The following PDLIM7 variants were observed in gnomAD, a reference collection of about 807,000 sequenced individuals.
PDLIM7 encodes the protein PDZ and LIM domain 7.
PDLIM7 carries 37 observed loss-of-function variants against 53.9 expected under a neutral mutation model. The observed-to-expected ratio is 0.69, with a 90% CI of 0.53 to 0.90. PDLIM7 has a LOEUF of 0.90. PDLIM7 is among the 40% of genes least tolerant of loss of function. PDLIM7 has a pLI of 0.00. For synonymous variants in PDLIM7, 300 were observed against 261.3 expected, an observed-to-expected ratio of 1.15 and a Z score of -1.43; for missense variants, 617 against 638.5, an observed-to-expected ratio of 0.97 and a Z score of 0.36.
intron 2 of PDLIM7, among the ~76,000 whole-genome samples, chr5:177,495,480 G>A (rs1207362083): frequency 6.6e-6 from 1 of 152,216 alleles, no homozygotes; most frequent in Non-Finnish European, 1.5e-5. Flanking sequence ...CCCCAGGCCA[G>A]TCAGAGATGC....
intron 2 of PDLIM7, chr5:177,495,104 C>G (rs538833025): frequency 5.2e-5 from 8 of 152,632 alleles, no homozygotes; most frequent in African/African-American, 1.7e-4. Context: ...CCCAGACACA[C>G]TGGGCCAGCA....
chr5:177,493,831 TG>T (rs397882235), intron 2 of PDLIM7, among the ~76,000 whole-genome samples: 1 of 132,382 alleles, frequency 7.6e-6, no homozygotes, highest in Non-Finnish European at 1.6e-5. Context: ...GGGGGGGATC[TG>T]GGGGGGTCCA....
intron 10 of PDLIM7, among the ~76,000 whole-genome samples, chr5:177,486,786 A>G (rs562501569): frequency 1.7e-4 from 26 of 150,250 alleles, no homozygotes; most frequent in Admixed American, 2.6e-4. Flanking sequence ...CTACTCCACC[A>G]TGCCCGGCCA....
chr5:177,491,294 G>T, intron 5 of PDLIM7, 148 bp from the exon 6 acceptor site: 2 of 1,442,548 alleles, frequency 1.4e-6, no homozygotes, highest in East Asian at 2.4e-5. Flanking sequence ...GCGGGTAGGT[G>T]AGAGGACAGG....
At chr5:177,492,381 CG>C in intron 4 of PDLIM7, 23 bp downstream of exon 4, 1 of 1,611,876 alleles carries the variant, frequency 6.2e-7, no homozygotes, top group Non-Finnish European at 8.5e-7. Context: ...GCCCACCGCC[CG>C]GATGTCCCGG....
At chr5:177,485,072 C>T (rs163203) in intron 10 of PDLIM7, 57,833 of 152,400 alleles carry the variant, frequency 0.38, 11,864 homozygotes, top group Non-Finnish European at 0.48. Context: ...CAGCACTTGT[C>T]GCTCTGCTCT....
intron 7 of PDLIM7, 150 bp from the exon 8 acceptor site, chr5:177,489,982 A>T: frequency 6.5e-7 from 1 of 1,535,582 alleles, no homozygotes; most frequent in East Asian, 2.4e-5. Context: ...TAGGGATGGG[A>T]AGGGCAGCTT....
chr5:177,488,921 A>AGAGCAGG (rs1188525766), intron 9 of PDLIM7, among the ~76,000 whole-genome samples: 2 of 149,334 alleles, frequency 1.3e-5, no homozygotes, highest in Non-Finnish European at 3.0e-5. Context: ...GACAGAGATG[A>AGAGCAGG]GAGCAGGCCA....
At position 177,484,346 on chromosome 5, in the gene PDLIM7, A is replaced by T. The variant is rs1339115482; in HGVS notation, c.1051-156T>A. ...CTCCCACACCTCCATCTCCAACTCC[A>T]AGGTCTCTGAGTGGACGACCACTGC... is the stretch of plus-strand genomic sequence containing the variant. On this transcript the variant is annotated intron_variant, in intron 10 of 12. Transcript: ENST00000355841. The T allele has an allele frequency of 3.5e-6, 3 of 855,540 alleles. No homozygotes were observed. The African/African-American group carries it at 5.1e-5, about 14-fold the overall frequency. 53.0% of individuals were successfully genotyped at this position (855,540 alleles called of 1,614,324 possible).
intron 2 of PDLIM7, 91 bp downstream of exon 2, chr5:177,496,326 C>A: frequency 1.0e-6 from 1 of 962,950 alleles, no homozygotes; most frequent in Non-Finnish European, 1.5e-6. Flanking sequence ...TGGCCCCTGA[C>A]CAGCTCCTGT....
rs762732422 is a variant in PDLIM7, at chr5:177,488,239, G to A, written c.879C>T (p.Tyr293=). 23 of 1,602,976 alleles carry A rather than the reference G, an allele frequency of 1.4e-5. No individual in the cohort carries two copies. Among genetic ancestry groups the A allele is most frequent in the Non-Finnish European group, 2.0e-5 (23 of 1,174,000 alleles). Reference sequence around the variant, plus strand: ...GGTACGCGTGGCCCAGCGCCACCAGGTAGCGGCCCCTGCAGGGAGGCGAGA... The same window carrying A: ...GGTACGCGTGGCCCAGCGCCACCAGATAGCGGCCCCTGCAGGGAGGCGAGA... ...HQCHKVIRGR[Y]LVALGHAYHP... Residue 293 remains tyrosine (Y), a synonymous_variant, in exon 10 of 13, where the codon TAC becomes TAT. Transcript: ENST00000355841.
chr5:177,486,810 T>C (rs1045566324), intron 10 of PDLIM7, among the ~76,000 whole-genome samples: 1 of 151,712 alleles, frequency 6.6e-6, no homozygotes, highest in African/African-American at 2.4e-5. Context: ...TTTTTGTATT[T>C]TTAGTAGAGA....
At chr5:177,489,657 C>T (rs779568953) in intron 8 of PDLIM7, 30 bp from the exon 9 acceptor site, 1 of 1,534,186 alleles carries the variant, frequency 6.5e-7, no homozygotes, top group East Asian at 2.3e-5. Context: ...TAAAGGGGTG[C>T]CCAGGGACCC....
chr5:177,489,501 G>A lies in PDLIM7; in HGVS notation c.761C>T (p.Pro254Leu), dbSNP rs764108486. 2.4e-5 allele frequency: 38 copies of A among 1,608,624 alleles called. No homozygotes were observed. The highest frequency in any genetic ancestry group is 3.0e-5 in the Non-Finnish European group (35 of 1,178,292). Residue 254 changes from proline to leucine, a missense_variant, in exon 9 of 13, where the codon CCG becomes CTG. Pro to Leu is a moderately conservative substitution (Grantham distance 98). Transcript: ENST00000355841. ...TRHSQPATPT[P>L]LQSRTSIVQA... is the part of the protein sequence containing the mutation. ...CACAATGGAGGTGCGGCTCTGCAGC[G>A]GCGTGGGCGTGGCCGGCTGGCTGTG...
intron 2 of PDLIM7, among the ~76,000 whole-genome samples, chr5:177,496,103 G>A (rs916644863): frequency 6.6e-6 from 1 of 152,120 alleles, no homozygotes; most frequent in Non-Finnish European, 1.5e-5. Flanking sequence ...GCCACCTCAA[G>A]TTTAGATACC....
rs548614232 is a variant in PDLIM7, at chr5:177,486,838, A to G, written c.1050+1230T>C. On this transcript the variant is annotated intron_variant, in intron 10 of 12. Transcript: ENST00000355841. ...AGTAGAGATGGGGTTTCACCGTGTTAGCCAGGATGGTCTCAATCTCCTGAC... is the reference window on the plus strand; with the variant it reads ...AGTAGAGATGGGGTTTCACCGTGTTGGCCAGGATGGTCTCAATCTCCTGAC... Among the ~76,000 whole-genome samples, 18 of 145,092 alleles carry G rather than the reference A, an allele frequency of 1.2e-4. 1 individual carries two copies. In the East Asian group the frequency reaches 1.7e-3, roughly 14 times the overall value.
rs1758858563 is a variant in PDLIM7 at position 177,492,600 on chromosome 5, C to T, written c.174G>A (p.Ala58=). Reference sequence around the variant, plus strand: ...GAGCTTCGATGTGTGTGAGGCTACCCGCATTCTCGCCATCGATGCTCAGCA... The same window carrying T: ...GAGCTTCGATGTGTGTGAGGCTACCTGCATTCTCGCCATCGATGCTCAGCA... ...DWVLSIDGEN[A]GSLTHIEAQN... is the part of the protein sequence containing the mutation. Residue 58 remains alanine, a synonymous_variant, in exon 3 of 13, where the codon GCG becomes GCA. Transcript: ENST00000355841. The T allele has an allele frequency of 2.5e-6, 4 of 1,613,194 alleles. No homozygotes were observed. The highest frequency in any genetic ancestry group is 2.2e-5 in the East Asian group (1 of 44,884).
chr5:177,495,619 C>T (rs1759033274), intron 2 of PDLIM7, among the ~76,000 whole-genome samples: 1 of 152,238 alleles, frequency 6.6e-6, no homozygotes, highest in Admixed American at 6.5e-5. Context: ...GGGGCCAGGC[C>T]TAGGCCAGCC....
chr5:177,490,761 GGA>G (rs879131282), intron 7 of PDLIM7, 107 bp downstream of exon 7: 177,897 of 975,672 alleles, frequency 0.18, 27,631 homozygotes, highest in Admixed American at 0.31. Context: ...AAGGAAGGAA[GGA>G]AGGGAGAATT....
Sources: gnomAD v4.1 joint callset for allele counts (sites outside exome capture counted in the v4.1 genomes callset) on GRCh38, gnomAD v4.1.1 for gene constraint, MANE v1.5 for transcripts, NCBI Gene and HGNC (gene_info 2026-07-23, HGNC 2026-07-21) for gene names.